Variants in AGAP1 observed in about 807,000 individuals in gnomAD.
AGAP1 encodes the protein ArfGAP with GTPase domain, ankyrin repeat and PH domain 1.
In AGAP1, 29 loss-of-function variants were observed where a neutral mutation model predicts 105.3. The observed-to-expected ratio is 0.28, with a 90% CI of 0.21 to 0.38. The LOEUF is 0.38. Ranked by LOEUF, AGAP1 falls within the 10% of genes least tolerant of loss-of-function variation. AGAP1 has a pLI of 1.00. For missense variants in AGAP1, 998 were observed against 1,165.1 expected (o/e 0.86, Z 2.09); for synonymous variants, 509 against 485.9 (o/e 1.05, Z -0.63).
chr2:235,531,300 G>A (rs1029488853), intron 1 of AGAP1, among the ~76,000 whole-genome samples: 11 of 152,152 alleles, frequency 7.2e-5, no homozygotes, highest in African/African-American at 2.7e-4. Context: ...TATGTGCATG[G>A]AAGAGGTCTC....
chr2:236,088,202 A>G (rs1468143740), intron 16 of AGAP1, among the ~76,000 whole-genome samples: 1 of 152,152 alleles, frequency 6.6e-6, no homozygotes, highest in East Asian at 1.9e-4. Context: ...GTGTCCTCAG[A>G]CAGTGGAATC....
chr2:235,709,156 C>A (rs775000090), intron 1 of AGAP1, 23 bp from the exon 2 acceptor site: 2 of 1,613,692 alleles, frequency 1.2e-6, no homozygotes, highest in South Asian at 2.2e-5. Flanking sequence ...TGGTGTCTGA[C>A]TTTGTGTCCT....
In AGAP1 at chr2:236,003,196, C is replaced by T. The variant is rs187276741; in HGVS notation, c.1646-33365C>T. Among the ~76,000 whole-genome samples the T allele has an allele frequency of 5.8e-4, 89 of 152,232 alleles. No homozygotes were observed. The highest frequency in any genetic ancestry group is 1.5e-3 in the African/African-American group (61 of 41,540). On this transcript the variant is annotated intron_variant, in intron 13 of 17. Coordinates refer to ENST00000304032, the MANE Select transcript of AGAP1 (RefSeq NM_001037131.3). This position sits in a 1 kb window ranked among gnomAD's most constrained non-coding sequence, Gnocchi z 4.2. ...AGTAGCTGGGACTACAGGCACATGC[C>T]GCCACGCCCAGCTAATTTTTGTATT... is the stretch of plus-strand genomic sequence containing the variant.
chr2:235,893,065 C>A lies in AGAP1; in HGVS notation c.1155+9616C>A, dbSNP rs1251398960. 1.3e-5 allele frequency among the ~76,000 whole-genome samples: 2 copies of A among 152,184 alleles called. No individual in the cohort carries two copies. Among genetic ancestry groups the A allele is most frequent in the Admixed American group, 1.3e-4 (2 of 15,284 alleles). On this transcript the variant is annotated intron_variant, in intron 10 of 17. Transcript: ENST00000304032. This position sits in a 1 kb window ranked among gnomAD's most constrained non-coding sequence, Gnocchi z 4.7. ...CATAAGCTAAGGTGCTTGGAGCTGTCCTTTGGCCTTTCATGTGCTGTGTCT... is the reference window on the plus strand; with the variant it reads ...CATAAGCTAAGGTGCTTGGAGCTGTACTTTGGCCTTTCATGTGCTGTGTCT...
intron 1 of AGAP1, among the ~76,000 whole-genome samples, chr2:235,516,622 G>A (rs181694994): frequency 1.3e-3 from 191 of 152,246 alleles, no homozygotes; most frequent in Non-Finnish European, 2.1e-3. Context: ...CCGTTCTCTG[G>A]GACCCGGCAG....
At chr2:236,112,772 C>G (rs924094134) in intron 16 of AGAP1, among the ~76,000 whole-genome samples, 1 of 152,246 alleles carries the variant, frequency 6.6e-6, no homozygotes, top group Admixed American at 6.5e-5. Flanking sequence ...TTGAAGGCAG[C>G]TCAGCATCCA....
chr2:235,930,683 G>A lies in AGAP1; in HGVS notation c.1325-82G>A, dbSNP rs563047278. ...GTGGTAAGGTGCACTATGTGCCAGCGTGTGGGTCCCATAGACTAACTCGCG... is the reference window on the plus strand; with the variant it reads ...GTGGTAAGGTGCACTATGTGCCAGCATGTGGGTCCCATAGACTAACTCGCG... On this transcript the variant is annotated intron_variant, in intron 11 of 17. Coordinates refer to ENST00000304032, the MANE Select transcript of AGAP1 (RefSeq NM_001037131.3). This position sits in a 1 kb window ranked among gnomAD's most constrained non-coding sequence, Gnocchi z 7.9. 9.1e-5 allele frequency: 131 copies of A among 1,432,872 alleles called. No individual in the cohort carries two copies. Among genetic ancestry groups the A allele is most frequent in the East Asian group, 1.6e-4 (7 of 43,044 alleles). The allele number at this position is 1,432,872 out of a possible 1,614,324, so 88.8% of individuals were successfully genotyped here. A position where few individuals can be genotyped will look rare whatever the true frequency, so the allele number is the denominator to read the frequency against.
At chr2:235,670,795 T>A (rs1948365882) in intron 1 of AGAP1, 1 of 1,338,736 alleles carries the variant, frequency 7.5e-7, no homozygotes, top group South Asian at 1.3e-5. Context: ...GGGAACGCAG[T>A]AAGAGCAAGA....
At chr2:235,748,960 A>G (rs1953195535) in intron 5 of AGAP1, among the ~76,000 whole-genome samples, 1 of 152,160 alleles carries the variant, frequency 6.6e-6, no homozygotes, top group African/African-American at 2.4e-5. Context: ...TGTAATCCCA[A>G]CACTTTGGGA....
intron 1 of AGAP1, among the ~76,000 whole-genome samples, chr2:235,676,400 G>A (rs992834468): frequency 6.6e-6 from 1 of 152,172 alleles, no homozygotes; most frequent in African/African-American, 2.4e-5. Flanking sequence ...AATGTTTATG[G>A]GTGGAACTAA....
intron 6 of AGAP1, chr2:235,776,845 C>T (rs1955908455): frequency 4.3e-6 from 2 of 467,224 alleles, no homozygotes; most frequent in Non-Finnish European, 8.8e-6. Flanking sequence ...AACTCGGAGC[C>T]CCTTTTCCAA....
rs575668308 is a variant in AGAP1, at chr2:235,651,463, C to T, written c.164-57716C>T. ...CAAATGGTTATTCCTGATGTTTAAACAGCCCATACAAATAGATTGGAAAAA... is the reference window on the plus strand; with the variant it reads ...CAAATGGTTATTCCTGATGTTTAAATAGCCCATACAAATAGATTGGAAAAA... On this transcript the variant is annotated intron_variant, in intron 1 of 17. Coordinates refer to ENST00000304032, the MANE Select transcript of AGAP1 (RefSeq NM_001037131.3). 8.7e-4 allele frequency among the ~76,000 whole-genome samples: 133 copies of T among 152,262 alleles called. 1 individual carries two copies. The Middle Eastern group carries it at 0.027, about 31-fold the overall frequency.
intron 13 of AGAP1, among the ~76,000 whole-genome samples, chr2:235,998,902 C>T (rs553018031): frequency 3.4e-4 from 46 of 133,622 alleles, no homozygotes; most frequent in East Asian, 9.7e-4. Flanking sequence ...GTAGTGGTGA[C>T]GGCAATGACG....
In AGAP1 at chr2:235,631,825, C is replaced by T. The variant is rs79053341; in HGVS notation, c.164-77354C>T. 0.025 allele frequency among the ~76,000 whole-genome samples: 3,739 copies of T among 152,356 alleles called. 63 individuals are homozygous for T. Among genetic ancestry groups the T allele is most frequent in the Non-Finnish European group, 0.038 (2,602 of 68,036 alleles). ...CTCCTCGGCTGGGTGGCCCTTCCTG[C>T]TGTCAGGTGTGGCCACTCTCGTGAG... On this transcript the variant is annotated intron_variant, in intron 1 of 17. Coordinates refer to ENST00000304032, the MANE Select transcript of AGAP1 (RefSeq NM_001037131.3). The surrounding 1 kb of genome is among the most constrained non-coding windows in gnomAD (Gnocchi z 5.4).
At chr2:235,676,740 T>C (rs1948756783) in intron 1 of AGAP1, among the ~76,000 whole-genome samples, 1 of 152,240 alleles carries the variant, frequency 6.6e-6, no homozygotes, top group Admixed American at 6.5e-5. Flanking sequence ...TCCTTTAGGC[T>C]ATTGTCAATT....
rs1317331216 is a variant in AGAP1 at position 235,550,299 on chromosome 2, A to C, written c.163+55450A>C. 6.6e-6 allele frequency among the ~76,000 whole-genome samples: 1 copy of C among 152,066 alleles called. No individual in the cohort carries two copies. The highest frequency in any genetic ancestry group is 1.5e-5 in the Non-Finnish European group (1 of 67,994). On this transcript the variant is annotated intron_variant, in intron 1 of 17. Transcript: ENST00000304032. This position sits in a 1 kb window ranked among gnomAD's most constrained non-coding sequence, Gnocchi z 4.6. ...CGTCCCCACGTTCATGCCCTGTACT[A>C]GGGTCCCCTCTGGCACTCTTTCTCT...
rs918788806 is a variant in AGAP1 at position 235,549,827 on chromosome 2, G to A, written c.163+54978G>A. Among the ~76,000 whole-genome samples, 3 of 152,096 alleles carry A rather than the reference G, an allele frequency of 2.0e-5. No individual in the cohort carries two copies. Among genetic ancestry groups the A allele is most frequent in the Non-Finnish European group, 4.4e-5 (3 of 68,038 alleles). ...CAACATCCTAGTTGCATCTCACCGCGGCCTAACATCCCCGGGAGCATGGGG... is the reference window on the plus strand; with the variant it reads ...CAACATCCTAGTTGCATCTCACCGCAGCCTAACATCCCCGGGAGCATGGGG... On this transcript the variant is annotated intron_variant, in intron 1 of 17. Coordinates refer to ENST00000304032, the MANE Select transcript of AGAP1 (RefSeq NM_001037131.3). The surrounding 1 kb of genome is among the most constrained non-coding windows in gnomAD (Gnocchi z 4.2).
At chr2:235,500,942 G>A (rs1436270039) in intron 1 of AGAP1, among the ~76,000 whole-genome samples, 7 of 152,096 alleles carry the variant, frequency 4.6e-5, no homozygotes, top group South Asian at 2.1e-4. Flanking sequence ...TAGCATTTTC[G>A]CTTAACACCC....
Position 235,789,726 on chromosome 2 carries a change from T to C in AGAP1, c.674-8033T>C, listed in dbSNP as rs1273591400. 6.6e-6 allele frequency among the ~76,000 whole-genome samples: 1 copy of C among 152,152 alleles called. No homozygotes were observed. Among genetic ancestry groups the C allele is most frequent in the East Asian group, 1.9e-4 (1 of 5,190 alleles). On this transcript the variant is annotated intron_variant, in intron 6 of 17. Transcript: ENST00000304032. This position sits in a 1 kb window ranked among gnomAD's most constrained non-coding sequence, Gnocchi z 4.2. ...ATACGCAAGGTAAGTCAACAAAGGA[T>C]TACCACCCACCGAACCCTTTCTCCT...
Sources: allele counts gnomAD v4.1 joint callset (sites outside exome capture counted in the v4.1 genomes callset), GRCh38; gene constraint gnomAD v4.1.1; non-coding constraint Gnocchi (gnomAD v3.1); transcripts MANE v1.5; gene names NCBI Gene and HGNC (gene_info 2026-07-23, HGNC 2026-07-21).